CEP104: variants seen among roughly 807,000 people sequenced by gnomAD.
CEP104 encodes centrosomal protein 104.
CEP104 carries 84 observed loss-of-function variants against 113.3 expected under a neutral mutation model. That is an observed-to-expected ratio of 0.74 (90% CI 0.62 to 0.89). The LOEUF (loss-of-function observed/expected upper bound fraction) is 0.89, where lower values mean the gene tolerates loss of function less well. Among genes scored for constraint, CEP104 ranks in the 40% least tolerant of loss-of-function variants. The pLI is 0.00. For missense variants in CEP104, 1,053 were observed against 1,156.6 expected (o/e 0.91, Z 1.30); for synonymous variants, 378 against 421.7 (o/e 0.90, Z 1.27).
intron 6 of CEP104, 130 bp downstream of exon 6, chr1:3,844,777 C>T: frequency 1.7e-6 from 1 of 584,804 alleles, no homozygotes; most frequent in Non-Finnish European, 3.0e-6. Flanking sequence ...TCAGACAATC[C>T]AATCAGTGGC....
Position 3,823,296 on chromosome 1 carries a change from T to C in CEP104, c.2504-55A>G, listed in dbSNP as rs1644016532. 4.3e-6 allele frequency: 7 copies of C among 1,610,184 alleles called. No individual in the cohort carries two copies. Among genetic ancestry groups the C allele is most frequent in the Middle Eastern group, 1.7e-4 (1 of 6,038 alleles). On this transcript the variant is annotated intron_variant, in intron 19 of 21. Transcript: ENST00000378230. This position sits in a 1 kb window ranked among gnomAD's most constrained non-coding sequence, Gnocchi z 4.1. ...TCCCTGAATGACAGGCGACAAGACA[T>C]GCTGCTGGCCTGCCCGCAGGTGCCC... is the stretch of plus-strand genomic sequence containing the variant.
chr1:3,845,442 T>C, intron 4 of CEP104, 91 bp from the exon 5 acceptor site: 2 of 1,010,436 alleles, frequency 2.0e-6, no homozygotes, highest in Non-Finnish European at 3.1e-6. Flanking sequence ...GGGTCTCGTC[T>C]GTCACCCAGG....
rs1406301328 is a variant in CEP104, at chr1:3,852,641, C to A, written c.-14-220G>T. Among the ~76,000 whole-genome samples the A allele has an allele frequency of 2.0e-5, 3 of 152,238 alleles. No individual in the cohort carries two copies. In the South Asian group the frequency reaches 6.2e-4, roughly 32 times the overall value. On this transcript the variant is annotated intron_variant, in intron 1 of 21. Transcript: ENST00000378230. ...TCATTTAAGTTATCTTGACTTTTCC[C>A]AAATATGTGTCCAAAAAGTTTGACC...
At chr1:3,856,863 C>A (rs1230245589) in intron 1 of CEP104, 26 bp downstream of exon 1, 1 of 151,556 alleles carries the variant, frequency 6.6e-6, no homozygotes, top group Non-Finnish European at 1.5e-5. Flanking sequence ...GGCCCTGGGC[C>A]GGCGCCGCAG....
chr1:3,851,569 T>A (rs956401900), intron 2 of CEP104, among the ~76,000 whole-genome samples: 6 of 152,132 alleles, frequency 3.9e-5, no homozygotes, highest in Non-Finnish European at 8.8e-5. Flanking sequence ...AGTGAGTGCA[T>A]GAAGGGGCTC....
intron 1 of CEP104, chr1:3,855,883 G>A (rs1363570232): frequency 1.0e-6 from 1 of 985,080 alleles, no homozygotes; most frequent in Non-Finnish European, 1.2e-6. Flanking sequence ...CCAGAGGCAT[G>A]AGGGATCCCT....
chr1:3,821,070 A>T (rs911574962), intron 20 of CEP104, among the ~76,000 whole-genome samples: 3 of 152,188 alleles, frequency 2.0e-5, no homozygotes, highest in Admixed American at 6.5e-5. Flanking sequence ...ACAGCGAACT[A>T]CCCAGCAGCA....
intron 12 of CEP104, among the ~76,000 whole-genome samples, chr1:3,832,287 ATT>A (rs1456061063): frequency 3.0e-5 from 4 of 133,092 alleles, no homozygotes; most frequent in African/African-American, 9.2e-5. Context: ...CCAGGAGTGT[ATT>A]GTAACCAGGA....
intron 8 of CEP104, among the ~76,000 whole-genome samples, chr1:3,838,217 A>G (rs1424454396): frequency 1.3e-5 from 2 of 152,146 alleles, no homozygotes; most frequent in African/African-American, 4.8e-5. Context: ...CAGTGGTGCG[A>G]TCGTAGCTCA....
Position 3,813,290 on chromosome 1 carries a change from G to A in CEP104, c.*2112C>T, listed in dbSNP as rs181659069. On this transcript the variant is annotated 3_prime_UTR_variant, in exon 22 of 22. Transcript: ENST00000378230. Reference sequence around the variant, plus strand: ...TTTCGAGACGGAGTCTCGCTCTGTCGCCTGGGCTGGAGTGCAATGGCATGA... The same window carrying A: ...TTTCGAGACGGAGTCTCGCTCTGTCACCTGGGCTGGAGTGCAATGGCATGA... 4.0e-4 allele frequency: 59 copies of A among 147,250 alleles called. No homozygotes were observed. The highest frequency in any genetic ancestry group is 1.4e-3 in the African/African-American group (57 of 39,464). 9.1% of individuals were successfully genotyped at this position (147,250 alleles called of 1,614,324 possible).
chr1:3,825,471 C>G (rs1644071940), intron 18 of CEP104, among the ~76,000 whole-genome samples: 1 of 152,160 alleles, frequency 6.6e-6, no homozygotes, highest in Non-Finnish European at 1.5e-5. Context: ...TTCTACAAAG[C>G]TCAAAGAGCA....
rs1464590455 is a variant in CEP104 at position 3,814,522 on chromosome 1, G to A, written c.*880C>T. The A allele has an allele frequency of 6.6e-6, 1 of 152,248 alleles. No individual in the cohort carries two copies. The highest frequency in any genetic ancestry group is 1.5e-5 in the Non-Finnish European group (1 of 68,042). 9.4% of individuals were successfully genotyped at this position (152,248 alleles called of 1,614,324 possible). Reference sequence around the variant, plus strand: ...GAAGGGGCGGGAGGCCCATACCAGTGGGCTTCTGCCTGCTGTGAACACAGG... The same window carrying A: ...GAAGGGGCGGGAGGCCCATACCAGTAGGCTTCTGCCTGCTGTGAACACAGG... On this transcript the variant is annotated 3_prime_UTR_variant, in exon 22 of 22. Coordinates refer to ENST00000378230, the MANE Select transcript of CEP104 (RefSeq NM_014704.4).
intron 4 of CEP104, among the ~76,000 whole-genome samples, 182 bp downstream of exon 4, chr1:3,847,293 T>C: frequency 6.6e-6 from 1 of 152,292 alleles, no homozygotes; most frequent in East Asian, 1.9e-4. Context: ...TGGTGGGCAC[T>C]GGCCACGTGT....
At chr1:3,847,313 C>T (rs748606214) in intron 4 of CEP104, among the ~76,000 whole-genome samples, 162 bp downstream of exon 4, 2 of 151,342 alleles carry the variant, frequency 1.3e-5, no homozygotes, top group Non-Finnish European at 2.9e-5. Context: ...TGCCCAGAGG[C>T]TGCTGGATCA....
At chr1:3,837,605 T>C (rs1285357373) in intron 8 of CEP104, 86 bp from the exon 9 acceptor site, 23 of 1,179,396 alleles carry the variant, frequency 2.0e-5, no homozygotes, top group Non-Finnish European at 2.7e-5. Flanking sequence ...AATAAGACTT[T>C]AGAAAGCTGT....
At chr1:3,833,663 C>A in intron 12 of CEP104, 199 bp downstream of exon 12, 1 of 438,304 alleles carries the variant, frequency 2.3e-6, no homozygotes, top group South Asian at 8.4e-5. Flanking sequence ...ATTGGAAAAA[C>A]CCAACTGTAG....
chr1:3,843,025 T>C (rs1261522335), intron 6 of CEP104: 8 of 454,586 alleles, frequency 1.8e-5, no homozygotes, highest in Non-Finnish European at 2.8e-5. Flanking sequence ...TGACCTCAAG[T>C]GATCTGCCCA....
chr1:3,845,501 G>T (rs1644490539), intron 4 of CEP104, 150 bp from the exon 5 acceptor site: 1 of 579,610 alleles, frequency 1.7e-6, no homozygotes, highest in African/African-American at 1.9e-5. Context: ...TGACCTCCCG[G>T]GCTCAAGGGA....
chr1:3,834,153 G>C (rs571872191), intron 11 of CEP104, 118 bp from the exon 12 acceptor site: 81 of 860,584 alleles, frequency 9.4e-5, no homozygotes, highest in Middle Eastern at 7.2e-4. Flanking sequence ...CATCTCGTCT[G>C]AAAGGCTGAA....
Sources: gnomAD v4.1 joint callset for allele counts (sites outside exome capture counted in the v4.1 genomes callset) on GRCh38, gnomAD v4.1.1 for gene constraint, Gnocchi (gnomAD v3.1) non-coding constraint, MANE v1.5 for transcripts, NCBI Gene and HGNC (gene_info 2026-07-23, HGNC 2026-07-21) for gene names.